MATR3: variants seen among roughly 807,000 people sequenced by gnomAD.
MATR3 encodes the protein matrin-3.
In MATR3, 4 loss-of-function variants were observed where a neutral mutation model predicts 85.5. The ratio of observed to expected loss-of-function variants is 0.05; its 90% CI spans 0.02 to 0.11. The LOEUF is 0.11. Among genes scored for constraint, MATR3 ranks in the 10% least tolerant of loss-of-function variants. MATR3 has a pLI of 1.00. For missense variants in MATR3, 685 were observed against 1,016.1 expected (o/e 0.67, Z 4.43); for synonymous variants, 336 against 343.1 (o/e 0.98, Z 0.23).
At chr5:139,299,066 A>G (rs946715246) in intron 1 of MATR3, among the ~76,000 whole-genome samples, 1 of 152,196 alleles carries the variant, frequency 6.6e-6, no homozygotes, top group Non-Finnish European at 1.5e-5. Flanking sequence ...ACTTAAACAC[A>G]AGGGGAGGGA....
chr5:139,300,744 G>C (rs1356597353), intron 1 of MATR3, among the ~76,000 whole-genome samples: 1 of 152,204 alleles, frequency 6.6e-6, no homozygotes, highest in Non-Finnish European at 1.5e-5. Context: ...CAGGGTTCAA[G>C]TGATTCTTCT....
In MATR3 at chr5:139,322,458, T is replaced by C. The variant is rs756564971; in HGVS notation, c.1735-5T>C. The stretch of plus-strand genomic sequence containing the variant: ...GTTAACTTCTGCAAAACTTTTGTCT[T>C]TTAGATTCCAAACAGAGGCATTGAT... On this transcript the variant is annotated splice_polypyrimidine_tract_variant and splice_region_variant and intron_variant, in intron 10 of 14. Transcript: ENST00000394805. 1 of 1,613,796 alleles carries C rather than the reference T, an allele frequency of 6.2e-7. No individual in the cohort carries two copies. Among genetic ancestry groups the C allele is most frequent in the Non-Finnish European group, 8.5e-7 (1 of 1,179,746 alleles).
intron 12 of MATR3, 141 bp downstream of exon 12, chr5:139,323,108 T>A: frequency 1.1e-6 from 1 of 875,570 alleles, no homozygotes; most frequent in Non-Finnish European, 1.7e-6. Flanking sequence ...TATAAACATT[T>A]AAATCTAAAC....
chr5:139,284,235 T>C (rs1451817477), intron 3 of MATR3, among the ~76,000 whole-genome samples: 1 of 152,326 alleles, frequency 6.6e-6, no homozygotes, highest in East Asian at 1.9e-4. Context: ...AATACAAAGA[T>C]GTCAGGTTAC....
At chr5:139,295,241 A>G (rs1303792355) in intron 1 of MATR3, among the ~76,000 whole-genome samples, 1 of 152,234 alleles carries the variant, frequency 6.6e-6, no homozygotes, top group Non-Finnish European at 1.5e-5. Flanking sequence ...TTGTTTTAAA[A>G]ATCAAGAAAG....
intron 3 of MATR3, among the ~76,000 whole-genome samples, chr5:139,287,254 T>C (rs893023788): frequency 2.0e-5 from 3 of 152,208 alleles, no homozygotes; most frequent in African/African-American, 4.8e-5. Context: ...TTTTCTTGCT[T>C]TTTCCTCTAC....
chr5:139,308,296 C>A lies in MATR3; in HGVS notation c.881C>A (p.Ser294Tyr). The A allele has an allele frequency of 1.2e-6, 2 of 1,614,102 alleles. No homozygotes were observed. The highest frequency in any genetic ancestry group is 8.5e-7 in the Non-Finnish European group (1 of 1,179,972). The stretch of plus-strand genomic sequence containing the variant: ...CCGAAGGGTTATCCCCATCTGTGCT[C>A]TATATGTGATTTGCCAGTTCATTCT... ...LLPKGYPHLC[S>Y]ICDLPVHSNK... The change falls in exon 2 of 15, where the codon TCT becomes TAT. Residue 294 changes from serine to tyrosine, a missense_variant. Transcript: ENST00000394805.
chr5:139,315,971 T>C (rs1755220794), intron 4 of MATR3, 105 bp from the exon 5 acceptor site: 5 of 897,702 alleles, frequency 5.6e-6, no homozygotes, highest in Admixed American at 1.8e-5. Context: ...CTCTGAAAGA[T>C]TGAAGTGGTT....
chr5:139,322,106 T>G (rs1178849689), intron 10 of MATR3, 77 bp downstream of exon 10: 5 of 1,482,554 alleles, frequency 3.4e-6, no homozygotes, highest in Non-Finnish European at 2.8e-6. Context: ...TTTAAACATT[T>G]TTGTATGCTA....
intron 2 of MATR3, among the ~76,000 whole-genome samples, chr5:139,277,175 T>C (rs529529197): frequency 5.4e-5 from 8 of 147,822 alleles, no homozygotes; most frequent in Non-Finnish European, 1.1e-4. Flanking sequence ...AGTCTCATTA[T>C]GTTGCCCAGG....
chr5:139,297,428 G>A (rs577073465), intron 1 of MATR3, among the ~76,000 whole-genome samples: 1 of 152,288 alleles, frequency 6.6e-6, no homozygotes, highest in Admixed American at 6.5e-5. Context: ...AAGTTTATGT[G>A]TAGAAAATTT....
intron 2 of MATR3, among the ~76,000 whole-genome samples, chr5:139,309,462 A>AT (rs776039832): frequency 1.3e-3 from 197 of 151,438 alleles, no homozygotes; most frequent in Non-Finnish European, 2.4e-3. Flanking sequence ...ATGAGTATGG[A>AT]TTTTTTTTTA....
intron 1 of MATR3, among the ~76,000 whole-genome samples, chr5:139,296,443 C>T (rs1369458373): frequency 6.6e-6 from 1 of 151,982 alleles, no homozygotes; most frequent in Non-Finnish European, 1.5e-5. Flanking sequence ...TTGTTTACTC[C>T]CTGATGTTTT....
In MATR3 at chr5:139,330,443, G is replaced by A. The variant is rs544315270; in HGVS notation, c.*1048G>A. On this transcript the variant is annotated 3_prime_UTR_variant, in exon 15 of 15. Transcript: ENST00000394805. ...ATACATGTTTGGAATGTTAACCAACGTATTTGTCAGTTGTGGTTTTTATTC... is the reference window on the plus strand; with the variant it reads ...ATACATGTTTGGAATGTTAACCAACATATTTGTCAGTTGTGGTTTTTATTC... 32 of 454,436 alleles carry A rather than the reference G, an allele frequency of 7.0e-5. No homozygotes were observed. The highest frequency in any genetic ancestry group is 3.7e-4 in the South Asian group (24 of 64,476). 28.2% of individuals were successfully genotyped at this position (454,436 alleles called of 1,614,324 possible).
intron 14 of MATR3, 111 bp downstream of exon 14, chr5:139,326,395 T>C (rs1755852925): frequency 4.1e-6 from 4 of 984,512 alleles, no homozygotes; most frequent in Middle Eastern, 2.2e-4. Flanking sequence ...AGTGCAGTGC[T>C]TTCTCCTGAA....
chr5:139,294,057 C>T (rs148597910), intron 1 of MATR3: 4 of 1,252,900 alleles, frequency 3.2e-6, no homozygotes, highest in African/African-American at 3.1e-5. Context: ...AAACACGCGG[C>T]CGGCCAAGGG....
upstream of MATR3, among the ~76,000 whole-genome samples, chr5:139,290,333 T>TG (rs1753830662): frequency 6.6e-6 from 1 of 151,018 alleles, no homozygotes; most frequent in Admixed American, 6.6e-5. Context: ...TTGGTAGAGA[T>TG]GGGGTTTCAC....
At chr5:139,288,809 T>A (rs1050607156), upstream of MATR3, among the ~76,000 whole-genome samples, 2 of 151,874 alleles carry the variant, frequency 1.3e-5, no homozygotes, top group African/African-American at 2.4e-5. Context: ...CCCAGCTAAT[T>A]TTTTTTGTAT....
In MATR3 at chr5:139,329,857, T is replaced by C; in HGVS notation, c.*462T>C. ...CTTTCATTTGGAGTTTGAACCCGTT[T>C]TGGTTGCATTTCATTTTTGGAGAAC... On this transcript the variant is annotated 3_prime_UTR_variant, in exon 15 of 15. Coordinates refer to ENST00000394805, the MANE Select transcript of MATR3 (RefSeq NM_018834.6). 1 of 454,578 alleles carries C rather than the reference T, an allele frequency of 2.2e-6. No homozygotes were observed. The highest frequency in any genetic ancestry group is 4.4e-6 in the Non-Finnish European group (1 of 226,790). The allele number at this position is 454,578 out of a possible 1,614,324, so 28.2% of individuals were successfully genotyped here. A position where few individuals can be genotyped will look rare whatever the true frequency, so the allele number is the denominator to read the frequency against.
Sources: allele counts gnomAD v4.1 joint callset (sites outside exome capture counted in the v4.1 genomes callset), GRCh38; gene constraint gnomAD v4.1.1; transcripts MANE v1.5; gene names NCBI Gene and HGNC (gene_info 2026-07-23, HGNC 2026-07-21).